IRF2: variants seen among roughly 807,000 people sequenced by gnomAD.
IRF2 encodes interferon regulatory factor 2.
Under a neutral mutation model 40.6 loss-of-function variants are expected in IRF2, and 15 were observed. The ratio of observed to expected loss-of-function variants is 0.37; its 90% confidence interval spans 0.25 to 0.57. The LOEUF is 0.57. Ranked by LOEUF, IRF2 falls within the 20% of genes least tolerant of loss-of-function variation. The pLI, the probability that IRF2 is intolerant of heterozygous loss-of-function variation, is 0.77. For synonymous variants in IRF2, 151 were observed against 165.5 expected (o/e 0.91, Z 0.67); for missense variants, 317 against 455.7 (o/e 0.70, Z 2.77).
At chr4:184,434,848 G>A (rs1033671068) in intron 1 of IRF2, among the ~76,000 whole-genome samples, 16 of 152,216 alleles carry the variant, frequency 1.1e-4, no homozygotes, top group African/African-American at 3.4e-4. Context: ...AAGAGCAACG[G>A]TTACCATTTA....
intron 2 of IRF2, among the ~76,000 whole-genome samples, chr4:184,421,166 TCCCAGCTGTC>T (rs1737468947): frequency 6.6e-6 from 1 of 152,072 alleles, no homozygotes; most frequent in Admixed American, 6.5e-5. Flanking sequence ...ACAGAAAGGG[TCCCAGCTGTC>T]CCCAAAGAGA....
chr4:184,401,997 C>T (rs745433431), intron 6 of IRF2, among the ~76,000 whole-genome samples: 37 of 152,174 alleles, frequency 2.4e-4, no homozygotes, highest in Non-Finnish European at 4.3e-4. Context: ...CCCATGACGT[C>T]CTAGTCGGTT....
intron 5 of IRF2, among the ~76,000 whole-genome samples, chr4:184,411,583 C>A (rs951787357): frequency 1.1e-4 from 13 of 121,394 alleles, no homozygotes; most frequent in Admixed American, 9.9e-4. Flanking sequence ...AAAACGGAGC[C>A]AGCACCTCCC....
rs146161968 is a variant in IRF2, at chr4:184,410,636, G to T, written c.412-2361C>A. On this transcript the variant is annotated intron_variant, in intron 5 of 8. Transcript: ENST00000393593. ...AAAGAACTAAGCACAGGCCTCTGAA[G>T]AAGTTACAAGAGAACTGCTCATTTG... 4.6e-5 allele frequency among the ~76,000 whole-genome samples: 7 copies of T among 152,280 alleles called. No individual in the cohort carries two copies. The East Asian group carries it at 1.4e-3, about 29-fold the overall frequency.
intron 5 of IRF2, 146 bp downstream of exon 5, chr4:184,418,021 G>T: frequency 1.4e-6 from 1 of 706,796 alleles, no homozygotes; most frequent in Non-Finnish European, 2.5e-6. Context: ...GATACATGCT[G>T]AAGAGCAAAC....
At chr4:184,460,719 G>A (rs867827618) in intron 1 of IRF2, among the ~76,000 whole-genome samples, 1 of 151,098 alleles carries the variant, frequency 6.6e-6, no homozygotes, top group African/African-American at 2.4e-5. Flanking sequence ...ACACACACAC[G>A]CGAAGAGAGA....
At chr4:184,416,695 G>A (rs1270920502) in intron 5 of IRF2, among the ~76,000 whole-genome samples, 1 of 152,012 alleles carries the variant, frequency 6.6e-6, no homozygotes, top group African/African-American at 2.4e-5. Context: ...AATGCTATGA[G>A]GTTTGGAATT....
At position 184,452,770 on chromosome 4, in the gene IRF2, C is replaced by CAAAAAAAAAAAAAAAAA. The variant is rs530415114; in HGVS notation, c.-7+21592_-7+21608dup. On this transcript the variant is annotated intron_variant, in intron 1 of 8. Transcript: ENST00000393593. ...TGAGCAACAGAGCAGGACCCTGTCT[C>CAAAAAAAAAAAAAAAAA]AAAAAAAAAAAAAAAAAAAAAAAAA... Among the ~76,000 whole-genome samples the CAAAAAAAAAAAAAAAAA allele has an allele frequency of 6.7e-4, 36 of 53,822 alleles. 1 individual carries two copies. Among genetic ancestry groups the CAAAAAAAAAAAAAAAAA allele is most frequent in the East Asian group, 1.7e-3 (2 of 1,176 alleles). 35.3% of individuals were successfully genotyped at this position (53,822 alleles called of 152,430 possible).
At chr4:184,444,024 G>A (rs571464892) in intron 1 of IRF2, among the ~76,000 whole-genome samples, 119 of 152,284 alleles carry the variant, frequency 7.8e-4, no homozygotes, top group Non-Finnish European at 1.5e-3. Context: ...TGCAATGCAG[G>A]ACTCAGGATG....
In IRF2 at chr4:184,442,298, G is replaced by T. The variant is rs146923724; in HGVS notation, c.-6-13228C>A. On this transcript the variant is annotated intron_variant, in intron 1 of 8. Transcript: ENST00000393593. ...CCCATACTCCAAAATAAAGATACTCGCCCTCTCTCCACCCCTTCACCTCCA... is the reference window on the plus strand; with the variant it reads ...CCCATACTCCAAAATAAAGATACTCTCCCTCTCTCCACCCCTTCACCTCCA... Among the ~76,000 whole-genome samples the T allele has an allele frequency of 2.0e-5, 3 of 152,168 alleles. No individual in the cohort carries two copies. The South Asian group carries it at 6.2e-4, about 32-fold the overall frequency.
chr4:184,425,717 G>A (rs1437711087), intron 2 of IRF2, among the ~76,000 whole-genome samples: 2 of 152,220 alleles, frequency 1.3e-5, no homozygotes, highest in African/African-American at 4.8e-5. Context: ...GCCTGAAAGG[G>A]GCCAAGTGTT....
chr4:184,449,512 T>TCAA (rs1738637966), intron 1 of IRF2, among the ~76,000 whole-genome samples: 1 of 152,228 alleles, frequency 6.6e-6, no homozygotes, highest in Non-Finnish European at 1.5e-5. Context: ...ATTAGTTGAC[T>TCAA]AAATAATGAA....
Position 184,398,934 on chromosome 4 carries a change from G to T in IRF2, c.675C>A (p.Ser225=), listed in dbSNP as rs1180091426. 3 of 1,608,950 alleles carry T rather than the reference G, an allele frequency of 1.9e-6. No individual in the cohort carries two copies. The highest frequency in any genetic ancestry group is 4.5e-5 in the East Asian group (2 of 44,734). Residue 225 remains serine (S), a synonymous_variant, in exon 7 of 9, where the codon TCC becomes TCA. Transcript: ENST00000393593. ...GCTTACCTGCATAGGAAGACACGGG[G>T]GAGATCTGCAGAGGGTAGAGCTCGC... is the stretch of plus-strand genomic sequence containing the variant. The part of the protein sequence containing the change: ...SMSELYPLQI[S]PVSSYAESET...
At chr4:184,456,797 G>A (rs1464211884) in intron 1 of IRF2, among the ~76,000 whole-genome samples, 5 of 152,256 alleles carry the variant, frequency 3.3e-5, no homozygotes, top group Non-Finnish European at 7.3e-5. Flanking sequence ...CGAGTCCTGT[G>A]GCTCGGCCCT....
chr4:184,435,953 C>G (rs900299212), intron 1 of IRF2, among the ~76,000 whole-genome samples: 14 of 151,170 alleles, frequency 9.3e-5, no homozygotes, highest in African/African-American at 3.4e-4. Context: ...ATCTCTGGAG[C>G]TTTTCTTTTT....
intron 1 of IRF2, among the ~76,000 whole-genome samples, chr4:184,463,585 G>C (rs971505256): frequency 3.3e-5 from 5 of 151,880 alleles, no homozygotes; most frequent in African/African-American, 1.2e-4. Flanking sequence ...TTTCTAAGTG[G>C]CTACTAGAAA....
chr4:184,410,987 C>G (rs538087113), intron 5 of IRF2, among the ~76,000 whole-genome samples: 41 of 152,180 alleles, frequency 2.7e-4, no homozygotes, highest in African/African-American at 8.9e-4. Context: ...TCTTAAGAAG[C>G]CCTTGTATCC....
intron 1 of IRF2, among the ~76,000 whole-genome samples, chr4:184,473,796 T>C (rs907945832): frequency 1.3e-5 from 2 of 151,588 alleles, no homozygotes; most frequent in Non-Finnish European, 2.9e-5. Flanking sequence ...GAGCGGTGCC[T>C]GCTTATTTAC....
chr4:184,396,435 T>C (rs1362540245), intron 7 of IRF2, among the ~76,000 whole-genome samples: 30 of 145,888 alleles, frequency 2.1e-4, no homozygotes, highest in East Asian at 1.4e-3. Flanking sequence ...TATTTTTTTT[T>C]CTTTTTTTTT....
Sources: allele counts gnomAD v4.1 joint callset (sites outside exome capture counted in the v4.1 genomes callset), GRCh38; gene constraint gnomAD v4.1.1; transcripts MANE v1.5; gene names NCBI Gene and HGNC (gene_info 2026-07-23, HGNC 2026-07-21).